LRMDA: variants seen among roughly 807,000 people sequenced by gnomAD.
The protein encoded by LRMDA is leucine-rich melanocyte differentiation-associated protein.
In LRMDA, 18 loss-of-function variants were observed where a neutral mutation model predicts 29.8. The observed-to-expected ratio is 0.60, with a 90% CI of 0.42 to 0.90. The LOEUF (loss-of-function observed/expected upper bound fraction) is 0.90. Ranked by LOEUF, LRMDA falls within the 40% of genes least tolerant of loss-of-function variation. The pLI is 0.00. For synonymous variants in LRMDA, 125 were observed against 109.4 expected (o/e 1.14, Z -0.89); for missense variants, 273 against 273.9 (o/e 1.00, Z 0.02).
intron 2 of LRMDA, among the ~76,000 whole-genome samples, chr10:75,976,628 A>C (rs1457809884): frequency 6.6e-6 from 1 of 152,208 alleles, no homozygotes; most frequent in Non-Finnish European, 1.5e-5. Flanking sequence ...TATTTGTCAA[A>C]GTATTACTAT....
chr10:75,831,395 T>A (rs1338985708), intron 2 of LRMDA, among the ~76,000 whole-genome samples: 2 of 152,154 alleles, frequency 1.3e-5, no homozygotes, highest in African/African-American at 2.4e-5. Flanking sequence ...TGACTCCATG[T>A]CTCACATCTA....
chr10:76,248,973 CAG>C (rs1041109364), intron 5 of LRMDA, among the ~76,000 whole-genome samples: 2 of 152,156 alleles, frequency 1.3e-5, no homozygotes, highest in African/African-American at 4.8e-5. Flanking sequence ...CTAAGGGAAA[CAG>C]AAATCTAACC....
At chr10:75,929,295 A>ATGTGATTGTGTG (rs1554834928) in intron 2 of LRMDA, among the ~76,000 whole-genome samples, 1 of 151,004 alleles carries the variant, frequency 6.6e-6, no homozygotes, top group South Asian at 2.1e-4. Context: ...TGCATGATCT[A>ATGTGATTGTGTG]TGTGTGTGTG....
chr10:75,798,206 T>C (rs1241535164), intron 2 of LRMDA, among the ~76,000 whole-genome samples: 3 of 152,166 alleles, frequency 2.0e-5, no homozygotes, highest in Admixed American at 6.5e-5. Flanking sequence ...TTTTTGTGGA[T>C]ATAATTCCTT....
chr10:76,351,210 T>C (rs1265163425), intron 6 of LRMDA, among the ~76,000 whole-genome samples: 1 of 152,132 alleles, frequency 6.6e-6, no homozygotes, highest in African/African-American at 2.4e-5. Flanking sequence ...GCTCCACGCA[T>C]TGACTCCGAA....
intron 2 of LRMDA, among the ~76,000 whole-genome samples, chr10:75,793,518 T>C (rs911759628): frequency 6.6e-6 from 1 of 152,212 alleles, no homozygotes; most frequent in African/African-American, 2.4e-5. Context: ...ATTAGTGCTG[T>C]TTGGCAAATA....
intron 6 of LRMDA, among the ~76,000 whole-genome samples, chr10:76,522,361 C>A (rs1478744643): frequency 6.6e-6 from 1 of 152,106 alleles, no homozygotes; most frequent in Non-Finnish European, 1.5e-5. Context: ...ATTGAAGTAC[C>A]CTATTGCCAT....
intron 6 of LRMDA, among the ~76,000 whole-genome samples, chr10:76,519,151 A>C (rs566118863): frequency 1.6e-4 from 25 of 152,202 alleles, no homozygotes; most frequent in African/African-American, 5.8e-4. Flanking sequence ...TCTACCAAAA[A>C]TACAAAAATT....
rs148819258 is a variant in LRMDA at position 75,776,245 on chromosome 10, C to G, written c.132-259763C>G. The stretch of plus-strand genomic sequence containing the variant: ...AACTGCTGCTATTGCTGCTTTTTCT[C>G]TCGAGAACTTGAGAATTTGGGTCCT... On this transcript the variant is annotated intron_variant, in intron 2 of 6. Transcript: ENST00000611255. Among the ~76,000 whole-genome samples the G allele has an allele frequency of 5.4e-3, 829 of 152,252 alleles. 3 individuals are homozygous for G. Among genetic ancestry groups the G allele is most frequent in the Non-Finnish European group, 8.9e-3 (604 of 68,018 alleles).
At chr10:75,736,079 C>T (rs187024669) in intron 2 of LRMDA, among the ~76,000 whole-genome samples, 104 of 152,130 alleles carry the variant, frequency 6.8e-4, no homozygotes, top group Admixed American at 1.5e-3. Context: ...TAGTAAATGA[C>T]GGCACGTGAA....
chr10:75,882,760 G>C (rs1845316402), intron 2 of LRMDA: 3 of 152,296 alleles, frequency 2.0e-5, no homozygotes. Context: ...CCAACTCCAT[G>C]ATGGCACATT....
At chr10:75,760,475 T>G (rs2132227101) in intron 2 of LRMDA, among the ~76,000 whole-genome samples, 1 of 152,302 alleles carries the variant, frequency 6.6e-6, no homozygotes, top group South Asian at 2.1e-4. Flanking sequence ...CAGCTCATTC[T>G]TTTTTGAAAT....
chr10:76,393,505 T>C (rs1394244733), intron 6 of LRMDA, among the ~76,000 whole-genome samples: 1 of 152,156 alleles, frequency 6.6e-6, no homozygotes, highest in African/African-American at 2.4e-5. Context: ...CATATTTTAA[T>C]TGGGTTGTTT....
intron 6 of LRMDA, among the ~76,000 whole-genome samples, chr10:76,454,618 AC>A (rs1236421095): frequency 1.6e-5 from 2 of 123,304 alleles, no homozygotes; most frequent in African/African-American, 6.1e-5. Flanking sequence ...TCTCACCGCC[AC>A]CCCCCACCCC....
At chr10:75,744,060 G>A (rs769309300) in intron 2 of LRMDA, among the ~76,000 whole-genome samples, 4 of 152,174 alleles carry the variant, frequency 2.6e-5, no homozygotes, top group Non-Finnish European at 4.4e-5. Flanking sequence ...ACATGAAAAG[G>A]AATTGTGAAA....
At chr10:75,696,858 G>A (rs918727744) in intron 2 of LRMDA, among the ~76,000 whole-genome samples, 25 of 152,158 alleles carry the variant, frequency 1.6e-4, no homozygotes, top group African/African-American at 6.0e-4. Flanking sequence ...GAGTGCTGGC[G>A]ATGCAAGGCC....
intron 2 of LRMDA, among the ~76,000 whole-genome samples, chr10:75,905,413 G>A (rs1392602525): frequency 6.6e-6 from 1 of 151,570 alleles, no homozygotes; most frequent in Middle Eastern, 3.2e-3. Context: ...TTTTGAAATA[G>A]CTAAAAAAGA....
At chr10:76,115,370 A>G (rs1394897006) in intron 5 of LRMDA, among the ~76,000 whole-genome samples, 1 of 152,176 alleles carries the variant, frequency 6.6e-6, no homozygotes, top group East Asian at 1.9e-4. Flanking sequence ...TCTGCATTAT[A>G]TGTGGATTGG....
At chr10:76,364,100 C>T (rs1841361449) in intron 6 of LRMDA, among the ~76,000 whole-genome samples, 1 of 152,124 alleles carries the variant, frequency 6.6e-6, no homozygotes, top group Admixed American at 6.5e-5. Flanking sequence ...GGGAATCACT[C>T]CCCTCAGGGA....
Sources: allele counts gnomAD v4.1 joint callset (sites outside exome capture counted in the v4.1 genomes callset), GRCh38; gene constraint gnomAD v4.1.1; transcripts MANE v1.5; gene names NCBI Gene and HGNC (gene_info 2026-07-23, HGNC 2026-07-21).